Variants in NCAPG observed in about 807,000 individuals in gnomAD.
The protein encoded by NCAPG is non-SMC condensin I complex subunit G.
NCAPG carries 69 observed loss-of-function variants against 113.1 expected under a neutral mutation model. The observed-to-expected ratio is 0.61, with a 90% confidence interval of 0.50 to 0.75. The LOEUF is 0.75. NCAPG is among the 30% of genes least tolerant of loss of function. NCAPG has a pLI of 0.00. For missense variants in NCAPG, 1,058 were observed against 1,177.0 expected (o/e 0.90, Z 1.48); for synonymous variants, 370 against 415.8 (o/e 0.89, Z 1.34).
rs779335060 is a variant in NCAPG at position 17,837,290 on chromosome 4, A to C, written c.2241A>C (p.Gln747His). ...ATCCTGTGACTGAAGAGGATGTTCA[A>C]CTTCGACATTGCCTAGGCGTGTTCT... is the stretch of plus-strand genomic sequence containing the variant. ...WYNPVTEEDV[Q>H]LRHCLGVFFP... The change falls in exon 15 of 21, where the codon CAA becomes CAC. Residue 747 changes from glutamine to histidine, a missense_variant. Physicochemically the swap from Gln to His is conservative, Grantham distance 24 (BLOSUM62 0). Transcript: ENST00000251496. 5.0e-5 allele frequency: 80 copies of C among 1,613,846 alleles called. No individual in the cohort carries two copies. Among genetic ancestry groups the C allele is most frequent in the Non-Finnish European group, 1.3e-5 (15 of 1,179,916 alleles).
chr4:17,830,880 A>G (rs1483715539), intron 12 of NCAPG, 117 bp from the exon 13 acceptor site: 5 of 1,029,434 alleles, frequency 4.9e-6, no homozygotes, highest in Admixed American at 5.1e-5. Context: ...GTTCTGTTTT[A>G]GCAATTTAAT....
In NCAPG at chr4:17,837,624, T is replaced by C. The variant is rs757350643; in HGVS notation, c.2292-3T>C. On this transcript the variant is annotated splice_polypyrimidine_tract_variant and splice_region_variant and intron_variant, in intron 15 of 20. Coordinates refer to ENST00000251496, the MANE Select transcript of NCAPG (RefSeq NM_022346.5). Reference sequence around the variant, plus strand: ...AACATACTTTGAATTTGTTTCTCAATAGGACTAATCAGGAATGCTTTGAAG... The same window carrying C: ...AACATACTTTGAATTTGTTTCTCAACAGGACTAATCAGGAATGCTTTGAAG... 2 of 1,609,360 alleles carry C rather than the reference T, an allele frequency of 1.2e-6. No homozygotes were observed. The highest frequency in any genetic ancestry group is 1.7e-6 in the Non-Finnish European group (2 of 1,178,374).
chr4:17,823,392 AATC>A (rs1285720266), intron 8 of NCAPG, among the ~76,000 whole-genome samples: 1 of 152,110 alleles, frequency 6.6e-6, no homozygotes, highest in African/African-American at 2.4e-5. Context: ...TAAAAGGTTT[AATC>A]ATTTCTGGTA....
At chr4:17,825,648 A>G (rs1721632817) in intron 11 of NCAPG, 87 bp downstream of exon 11, 5 of 1,196,356 alleles carry the variant, frequency 4.2e-6, no homozygotes, top group Admixed American at 2.6e-5. Flanking sequence ...AGAATTGCCA[A>G]AATATATTTA....
intron 20 of NCAPG, chr4:17,843,079 A>G (rs1486816938): frequency 1.0e-5 from 4 of 381,350 alleles, no homozygotes; most frequent in Non-Finnish European, 1.9e-5. Context: ...AGGTTCTGTT[A>G]TAGTATATAA....
intron 2 of NCAPG, 35 bp from the exon 3 acceptor site, chr4:17,812,882 G>T: frequency 6.5e-7 from 1 of 1,549,146 alleles, no homozygotes; most frequent in South Asian, 1.1e-5. Flanking sequence ...AGTGGTATGT[G>T]ACTATGAATA....
rs140422444 is a variant in NCAPG at position 17,838,603 on chromosome 4, G to A, written c.2466+802G>A. Among the ~76,000 whole-genome samples the A allele has an allele frequency of 5.4e-3, 827 of 152,270 alleles. 4 individuals are homozygous for A. The highest frequency in any genetic ancestry group is 0.019 in the African/African-American group (793 of 41,556). On this transcript the variant is annotated intron_variant, in intron 16 of 20. Coordinates refer to ENST00000251496, the MANE Select transcript of NCAPG (RefSeq NM_022346.5). ...GTATTTGGGGAGTGGTTTGGGTAGA[G>A]GAAGGATGTTTTAGTAAAGGTGATA...
In NCAPG at chr4:17,840,217, C is replaced by T. The variant is rs1489404207; in HGVS notation, c.2767+8C>T. Reference sequence around the variant, plus strand: ...CTTTCCAAAATGAAGATGGTAATCACATACTGAACAGAATATTTATAAGGT... The same window carrying T: ...CTTTCCAAAATGAAGATGGTAATCATATACTGAACAGAATATTTATAAGGT... On this transcript the variant is annotated splice_region_variant and intron_variant, in intron 18 of 20. Transcript: ENST00000251496. 1.3e-6 allele frequency: 2 copies of T among 1,572,222 alleles called. No individual in the cohort carries two copies. The highest frequency in any genetic ancestry group is 1.7e-6 in the Non-Finnish European group (2 of 1,165,826).
intron 16 of NCAPG, among the ~76,000 whole-genome samples, 160 bp from the exon 17 acceptor site, chr4:17,839,516 G>C (rs532656307): frequency 2.0e-5 from 3 of 152,114 alleles, no homozygotes; most frequent in African/African-American, 7.2e-5. Context: ...AAGAAGGGGA[G>C]CTTATTTTGG....
intron 3 of NCAPG, 63 bp from the exon 4 acceptor site, chr4:17,814,790 A>G: frequency 6.6e-7 from 1 of 1,515,498 alleles, no homozygotes; most frequent in Non-Finnish European, 9.1e-7. Flanking sequence ...AATGTGTGTT[A>G]TTTTATGACT....
chr4:17,824,979 T>G lies in NCAPG; in HGVS notation c.1395T>G (p.Ile465Met), dbSNP rs1191833000. 1 of 1,611,750 alleles carries G rather than the reference T, an allele frequency of 6.2e-7. No homozygotes were observed. Among genetic ancestry groups the G allele is most frequent in the Non-Finnish European group, 8.5e-7 (1 of 1,178,596 alleles). Residue 465 changes from isoleucine to methionine, a missense_variant, in exon 10 of 21, where the codon ATT (isoleucine) becomes ATG (methionine). By Grantham distance (10) the Ile-to-Met change is conservative. Transcript: ENST00000251496. Reference protein sequence around the residue: ...DNKRTQIVTEIISEIRAPIVT... With the variant: ...DNKRTQIVTEMISEIRAPIVT... ...CTCTGAACTTACAGGTTACAGAAATTATCTCAGAGATTCGGGCGCCCATTG... is the reference window on the plus strand; with the variant it reads ...CTCTGAACTTACAGGTTACAGAAATGATCTCAGAGATTCGGGCGCCCATTG...
chr4:17,821,455 G>A (rs974236735), intron 7 of NCAPG, among the ~76,000 whole-genome samples: 2 of 115,816 alleles, frequency 1.7e-5, no homozygotes, highest in Admixed American at 9.8e-5. Context: ...TGTCACCCCC[G>A]CCTTTTTTTT....
intron 12 of NCAPG, among the ~76,000 whole-genome samples, chr4:17,829,089 A>G (rs1192238415): frequency 6.6e-6 from 1 of 152,146 alleles, no homozygotes; most frequent in Admixed American, 6.5e-5. Flanking sequence ...TCTGTTTTGC[A>G]TACTAAGTCT....
At chr4:17,839,081 A>C (rs1257147210) in intron 16 of NCAPG, among the ~76,000 whole-genome samples, 1 of 152,222 alleles carries the variant, frequency 6.6e-6, no homozygotes, top group Non-Finnish European at 1.5e-5. Context: ...TATGTGTAAC[A>C]GCAGACTTCA....
intron 7 of NCAPG, among the ~76,000 whole-genome samples, 191 bp downstream of exon 7, chr4:17,818,279 A>G (rs1721302140): frequency 6.6e-6 from 1 of 152,168 alleles, no homozygotes; most frequent in Non-Finnish European, 1.5e-5. Context: ...AGAGCAAGTC[A>G]CTATGTTTAG....
intron 12 of NCAPG, among the ~76,000 whole-genome samples, chr4:17,830,386 CTG>C (rs1191765808): frequency 6.6e-6 from 1 of 150,630 alleles, no homozygotes; most frequent in Non-Finnish European, 1.5e-5. Flanking sequence ...GCGTGAGACT[CTG>C]TCTCAAAAAA....
intron 16 of NCAPG, 65 bp from the exon 17 acceptor site, chr4:17,839,611 G>T: frequency 8.7e-7 from 1 of 1,154,512 alleles, no homozygotes; most frequent in Non-Finnish European, 1.2e-6. Context: ...TTTGTTAGAT[G>T]TGTAAGACTA....
At chr4:17,842,841 T>TTG in intron 20 of NCAPG, 1 of 165,152 alleles carries the variant, frequency 6.1e-6, no homozygotes, top group East Asian at 1.7e-4. Flanking sequence ...CAAAATTGTA[T>TTG]TGTGTGTATT....
At chr4:17,813,312 A>AG (rs1721072183) in intron 3 of NCAPG, 167 bp downstream of exon 3, 1 of 506,658 alleles carries the variant, frequency 2.0e-6, no homozygotes, top group East Asian at 3.4e-5. Context: ...TTAAAAAAAA[A>AG]AGTCAGTACT....
Sources: gnomAD v4.1 joint callset for allele counts (sites outside exome capture counted in the v4.1 genomes callset) on GRCh38, gnomAD v4.1.1 for gene constraint, MANE v1.5 for transcripts, NCBI Gene and HGNC (gene_info 2026-07-23, HGNC 2026-07-21) for gene names.